The following EHBP1 variants were observed in gnomAD, a reference collection of about 807,000 sequenced individuals.
EHBP1 encodes EH domain binding protein 1.
In EHBP1, 55 loss-of-function variants were observed where a neutral mutation model predicts 144.0. The observed-to-expected ratio is 0.38, with a 90% confidence interval of 0.31 to 0.48. EHBP1 has a LOEUF of 0.48. Ranked by LOEUF, EHBP1 falls within the 20% of genes least tolerant of loss-of-function variation. EHBP1 has a pLI of 0.98. For synonymous variants in EHBP1, 469 were observed against 472.7 expected, an observed-to-expected ratio of 0.99 and a Z score of 0.10; for missense variants, 1,200 against 1,364.2, an observed-to-expected ratio of 0.88 and a Z score of 1.90.
chr2:62,824,799 T>G (rs1019426856), intron 5 of EHBP1, among the ~76,000 whole-genome samples: 3 of 151,868 alleles, frequency 2.0e-5, no homozygotes, highest in South Asian at 4.2e-4. Context: ...AATATCAGGG[T>G]TTTTTTTAAA....
At chr2:62,787,289 A>G (rs1490894601) in intron 5 of EHBP1, among the ~76,000 whole-genome samples, 1 of 152,118 alleles carries the variant, frequency 6.6e-6, no homozygotes, top group African/African-American at 2.4e-5. Context: ...ATATTTTATA[A>G]ATATACTATG....
chr2:62,918,413 C>G (rs2054813679), intron 10 of EHBP1, among the ~76,000 whole-genome samples: 1 of 152,116 alleles, frequency 6.6e-6, no homozygotes. Context: ...GATAATCATA[C>G]AGTATCCCTT....
At chr2:62,763,467 T>C (rs993086715) in intron 3 of EHBP1, among the ~76,000 whole-genome samples, 3 of 152,196 alleles carry the variant, frequency 2.0e-5, no homozygotes, top group Admixed American at 2.0e-4. Flanking sequence ...ATAAGTAAAT[T>C]CTTAAGACAT....
intron 7 of EHBP1, among the ~76,000 whole-genome samples, chr2:62,844,371 G>C (rs1046277416): frequency 6.6e-6 from 1 of 152,248 alleles, no homozygotes; most frequent in Middle Eastern, 3.4e-3. Context: ...TACTTCTATA[G>C]ATACATTTTA....
At chr2:63,027,678 G>A (rs903388809) in intron 19 of EHBP1, among the ~76,000 whole-genome samples, 2 of 152,272 alleles carry the variant, frequency 1.3e-5, no homozygotes, top group Non-Finnish European at 2.9e-5. Context: ...AGGTGCATAT[G>A]AGGACATTAT....
intron 1 of EHBP1, among the ~76,000 whole-genome samples, chr2:62,687,125 C>T (rs2033744367): frequency 6.6e-6 from 1 of 152,208 alleles, no homozygotes; most frequent in Non-Finnish European, 1.5e-5. Flanking sequence ...AAATCCTCTC[C>T]AGGTCTCTTT....
chr2:62,819,339 A>G (rs1573516545), intron 5 of EHBP1, among the ~76,000 whole-genome samples: 1 of 152,252 alleles, frequency 6.6e-6, no homozygotes, highest in East Asian at 1.9e-4. Context: ...ATTTTCCGAT[A>G]AAGGTGTACA....
intron 10 of EHBP1, among the ~76,000 whole-genome samples, chr2:62,930,411 C>T (rs1214871723): frequency 6.6e-6 from 1 of 152,160 alleles, no homozygotes; most frequent in Non-Finnish European, 1.5e-5. Flanking sequence ...ATCCCGTGTT[C>T]TTGGCTTAGA....
chr2:62,764,998 T>TA (rs1558632556), intron 4 of EHBP1, among the ~76,000 whole-genome samples: 1 of 152,044 alleles, frequency 6.6e-6, no homozygotes. Context: ...AATTTTTTTT[T>TA]AAAAAGACCT....
At chr2:62,947,755 A>G (rs895440050) in intron 12 of EHBP1, among the ~76,000 whole-genome samples, 4 of 152,232 alleles carry the variant, frequency 2.6e-5, no homozygotes, top group Non-Finnish European at 5.9e-5. Context: ...CACTCTTTTC[A>G]TTATGAAAAT....
chr2:62,721,607 G>A (rs565772633), intron 2 of EHBP1, among the ~76,000 whole-genome samples: 5 of 152,198 alleles, frequency 3.3e-5, no homozygotes, highest in Non-Finnish European at 7.3e-5. Context: ...TTTCTTTAAA[G>A]TTTTGGTCAC....
At chr2:62,699,769 T>C (rs893054044) in intron 1 of EHBP1, among the ~76,000 whole-genome samples, 1 of 152,224 alleles carries the variant, frequency 6.6e-6, no homozygotes, top group Non-Finnish European at 1.5e-5. Context: ...TCTAAGCTTC[T>C]AGTCATTCAC....
chr2:62,887,167 C>T (rs908761059), intron 10 of EHBP1, among the ~76,000 whole-genome samples: 19 of 152,090 alleles, frequency 1.2e-4, no homozygotes, highest in African/African-American at 4.6e-4. Flanking sequence ...CCAACATTGT[C>T]CCCATTCTAG....
chr2:62,696,068 A>G (rs975979179), intron 1 of EHBP1, among the ~76,000 whole-genome samples: 4 of 152,086 alleles, frequency 2.6e-5, no homozygotes, highest in Non-Finnish European at 5.9e-5. Flanking sequence ...AAGAAAACGT[A>G]TCACATAATT....
At chr2:62,833,906 A>C (rs2047016484) in intron 7 of EHBP1, among the ~76,000 whole-genome samples, 1 of 152,228 alleles carries the variant, frequency 6.6e-6, no homozygotes, top group Non-Finnish European at 1.5e-5. Flanking sequence ...AGGAGGTCAA[A>C]ATATCAACAT....
intron 10 of EHBP1, among the ~76,000 whole-genome samples, chr2:62,932,353 A>G (rs550354481): frequency 1.4e-4 from 21 of 152,284 alleles, no homozygotes; most frequent in Non-Finnish European, 2.9e-4. Context: ...TGGAGAAACA[A>G]AATGTGGTAT....
chr2:62,915,795 C>T (rs143343511), intron 10 of EHBP1, among the ~76,000 whole-genome samples: 2 of 152,180 alleles, frequency 1.3e-5, no homozygotes, highest in African/African-American at 4.8e-5. Flanking sequence ...TAACAACGTA[C>T]TGGTAAAAAC....
chr2:62,678,569 A>T (rs1360027644), intron 1 of EHBP1, among the ~76,000 whole-genome samples: 1 of 152,150 alleles, frequency 6.6e-6, no homozygotes, highest in Non-Finnish European at 1.5e-5. Flanking sequence ...GAGTTTATAA[A>T]CTGTATTCAT....
intron 6 of EHBP1, 145 bp from the exon 7 acceptor site, chr2:62,830,874 G>C: frequency 1.3e-6 from 1 of 742,156 alleles, no homozygotes; most frequent in Non-Finnish European, 2.1e-6. Flanking sequence ...TGAGTATTTA[G>C]ATTTTTCAAT....
Sources: allele counts gnomAD v4.1 joint callset (sites outside exome capture counted in the v4.1 genomes callset), GRCh38; gene constraint gnomAD v4.1.1; transcripts MANE v1.5; gene names NCBI Gene and HGNC (gene_info 2026-07-23, HGNC 2026-07-21).